Variants in CFAP47 observed in about 807,000 individuals in gnomAD.
The protein encoded by CFAP47 is cilia- and flagella-associated protein 47.
In CFAP47, 29 loss-of-function variants were observed where a neutral mutation model predicts 148.1. That is an observed-to-expected ratio of 0.20 (90% CI 0.15 to 0.27). The LOEUF is 0.27. Ranked by LOEUF, CFAP47 falls within the 10% of genes least tolerant of loss-of-function variation. The pLI is 1.00. For synonymous variants in CFAP47, 664 were observed against 577.3 expected, an observed-to-expected ratio of 1.15 and a Z score of -2.15; for missense variants, 1,872 against 1,697.5, an observed-to-expected ratio of 1.10 and a Z score of -1.81.
At chrX:36,282,217 G>C (rs1941086693) in intron 50 of CFAP47, among the ~76,000 whole-genome samples, 1 of 110,439 alleles carries the variant, frequency 9.1e-6, no homozygotes, top group Non-Finnish European at 1.9e-5. Context: ...AGTTGTAAAG[G>C]TTTAGGGTCT....
At chrX:35,924,248 C>CATGTATGTAT (rs761132383) in intron 1 of CFAP47, among the ~76,000 whole-genome samples, 1 of 84,628 alleles carries the variant, frequency 1.2e-5, no homozygotes, top group African/African-American at 6.2e-5. Flanking sequence ...TGTATGTGTG[C>CATGTATGTAT]ATATGGACAT....
chrX:36,233,770 G>T (rs868923095), intron 46 of CFAP47, among the ~76,000 whole-genome samples: 30 of 110,922 alleles, frequency 2.7e-4, no homozygotes, highest in African/African-American at 9.8e-4. Flanking sequence ...TCCTTTCCAT[G>T]TTTAGCGCTT....
chrX:35,955,448 G>A (rs966079923), intron 7 of CFAP47, among the ~76,000 whole-genome samples: 28 of 111,693 alleles, frequency 2.5e-4, no homozygotes, highest in African/African-American at 7.8e-4. Flanking sequence ...CTTTAAAGGC[G>A]TTTGAACATG....
chrX:36,250,616 T>G (rs1354248131), intron 48 of CFAP47, among the ~76,000 whole-genome samples: 6 of 110,229 alleles, frequency 5.4e-5, no homozygotes, highest in African/African-American at 2.0e-4. Flanking sequence ...ATTAATTAGT[T>G]TGATTTAGCC....
chrX:36,168,717 G>A (rs1017503620), intron 39 of CFAP47, among the ~76,000 whole-genome samples: 6 of 111,840 alleles, frequency 5.4e-5, no homozygotes, highest in Non-Finnish European at 1.1e-4. Flanking sequence ...ATGAGCCACC[G>A]CACCCAGCCC....
intron 33 of CFAP47, among the ~76,000 whole-genome samples, chrX:36,110,790 AGT>A (rs1938543031): frequency 9.0e-6 from 1 of 111,560 alleles, no homozygotes; most frequent in African/African-American, 3.3e-5. Context: ...TTCTTTGAGC[AGT>A]GTTTTGTAAT....
At chrX:36,142,818 C>A (rs765264193) in intron 35 of CFAP47, among the ~76,000 whole-genome samples, 6 of 110,089 alleles carry the variant, frequency 5.5e-5, no homozygotes, top group Non-Finnish European at 1.1e-4. Context: ...GACTTTGATT[C>A]ATCCCAGACT....
At chrX:36,163,667 T>C (rs750615636) in intron 39 of CFAP47, among the ~76,000 whole-genome samples, 62 of 111,635 alleles carry the variant, frequency 5.6e-4, no homozygotes, top group South Asian at 1.5e-3. Context: ...TGAAGTGCAA[T>C]GGCGTGATCT....
intron 49 of CFAP47, among the ~76,000 whole-genome samples, chrX:36,268,769 T>C (rs1457632762): frequency 1.8e-5 from 2 of 112,219 alleles, no homozygotes; most frequent in Admixed American, 1.9e-4. Flanking sequence ...TGGCAGGTTG[T>C]TGGTTTTTCT....
chrX:36,347,663 A>C (rs1450667383), intron 57 of CFAP47, among the ~76,000 whole-genome samples: 1 of 111,592 alleles, frequency 9.0e-6, no homozygotes, highest in African/African-American at 3.3e-5. Context: ...CATCATTCTC[A>C]GCAAACTATC....
At chrX:35,992,379 AGTG>A (rs1936799828) in intron 17 of CFAP47, among the ~76,000 whole-genome samples, 1 of 110,343 alleles carries the variant, frequency 9.1e-6, no homozygotes, top group Non-Finnish European at 1.9e-5. Flanking sequence ...AGAGGAGCAA[AGTG>A]GTGATTTTTT....
At chrX:36,316,274 C>T (rs1344892508) in intron 56 of CFAP47, among the ~76,000 whole-genome samples, 1 of 111,749 alleles carries the variant, frequency 8.9e-6, no homozygotes, top group African/African-American at 3.3e-5. Flanking sequence ...GCCAAAAGCC[C>T]AGTACTTGAA....
intron 1 of CFAP47, 97 bp downstream of exon 1, chrX:35,920,145 CG>C: frequency 3.1e-6 from 3 of 965,353 alleles, no homozygotes; most frequent in Non-Finnish European, 4.2e-6. Flanking sequence ...TGGCTCCTGC[CG>C]GGATGGAGGG....
At chrX:36,223,380 C>A (rs1310321871) in intron 45 of CFAP47, among the ~76,000 whole-genome samples, 2 of 110,176 alleles carry the variant, frequency 1.8e-5, no homozygotes, top group African/African-American at 6.6e-5. Context: ...CCAAAAAATT[C>A]TCTAAAATAT....
intron 45 of CFAP47, among the ~76,000 whole-genome samples, chrX:36,206,167 C>T (rs892111582): frequency 8.9e-6 from 1 of 111,753 alleles, no homozygotes; most frequent in African/African-American, 3.2e-5. Flanking sequence ...ATAAAAATAA[C>T]CTGAGCCAGC....
intron 25 of CFAP47, among the ~76,000 whole-genome samples, chrX:36,045,355 C>A (rs770586519): frequency 5.4e-5 from 6 of 111,366 alleles, no homozygotes; most frequent in African/African-American, 2.0e-4. Context: ...GACAAAGTCT[C>A]CTTTACTTTT....
chrX:35,993,907 A>G (rs1247472844), intron 18 of CFAP47, among the ~76,000 whole-genome samples: 1 of 111,857 alleles, frequency 8.9e-6, no homozygotes, highest in African/African-American at 3.2e-5. Flanking sequence ...TTTAACATCT[A>G]TATTTTAGAG....
At chrX:35,993,828 A>G (rs889390609) in intron 18 of CFAP47, among the ~76,000 whole-genome samples, 1 of 111,902 alleles carries the variant, frequency 8.9e-6, no homozygotes, top group African/African-American at 3.2e-5. Context: ...TAGGAAAAAA[A>G]TAATCAATTT....
intron 36 of CFAP47, among the ~76,000 whole-genome samples, chrX:36,147,515 G>A (rs12116208): frequency 0.1 from 11,360 of 111,939 alleles, 1,115 homozygotes; most frequent in African/African-American, 0.31. Context: ...ACTTAAAATC[G>A]CTTGGTCTGT....
Sources: gnomAD v4.1 joint callset for allele counts (sites outside exome capture counted in the v4.1 genomes callset) on GRCh38, gnomAD v4.1.1 for gene constraint, MANE v1.5 for transcripts, NCBI Gene and HGNC (gene_info 2026-07-23, HGNC 2026-07-21) for gene names.